IPO5: variants seen among roughly 807,000 people sequenced by gnomAD.
The protein encoded by IPO5 is importin-5.
IPO5 carries 18 observed loss-of-function variants against 143.3 expected under a neutral mutation model. That is an observed-to-expected ratio of 0.13 (90% CI 0.09 to 0.19). The LOEUF (loss-of-function observed/expected upper bound fraction) is 0.19, where lower values mean the gene tolerates loss of function less well. IPO5 is among the 10% of genes least tolerant of loss of function. The probability of loss-of-function intolerance (pLI) is 1.00; values close to 1 mark genes in which losing one functional copy is unlikely to be tolerated. For missense variants in IPO5, 1,013 were observed against 1,336.9 expected (o/e 0.76, Z 3.78); for synonymous variants, 477 against 465.7 (o/e 1.02, Z -0.31).
intron 9 of IPO5, 36 bp downstream of exon 9, chr13:97,990,573 C>T (rs1887724628): frequency 8.1e-7 from 1 of 1,229,306 alleles, no homozygotes; most frequent in African/African-American, 1.5e-5. Flanking sequence ...ATAATTATAT[C>T]TTATTTGGTT....
Position 98,020,375 on chromosome 13 carries a change from G to T in IPO5, c.3065+566G>T, listed in dbSNP as rs533703862. Among the ~76,000 whole-genome samples, 9 of 152,130 alleles carry T rather than the reference G, an allele frequency of 5.9e-5. No individual in the cohort carries two copies. In the East Asian group the frequency reaches 1.4e-3, roughly 23 times the overall value. On this transcript the variant is annotated intron_variant, in intron 27 of 28. Coordinates refer to ENST00000651721, the MANE Select transcript of IPO5 (RefSeq NM_002271.6). ...GCCAACAGGTATATTCTCCATACTT[G>T]TTTAAGTTCAGGTTCACATAAGAAA...
intron 5 of IPO5, 135 bp downstream of exon 5, chr13:97,982,718 T>C: frequency 1.6e-6 from 1 of 641,228 alleles, no homozygotes; most frequent in Non-Finnish European, 2.7e-6. Flanking sequence ...TATTATTTGC[T>C]AAAAGCTACT....
intron 3 of IPO5, among the ~76,000 whole-genome samples, chr13:97,970,513 TGG>T (rs1374797553): frequency 6.6e-6 from 1 of 151,732 alleles, no homozygotes; most frequent in African/African-American, 2.4e-5. Flanking sequence ...CCCAGCTACT[TGG>T]GGGGCTGAGG....
At chr13:97,982,458 A>G (rs1274337511) in intron 4 of IPO5, 45 bp from the exon 5 acceptor site, 3 of 1,278,132 alleles carry the variant, frequency 2.3e-6, no homozygotes, top group African/African-American at 1.5e-5. Context: ...TTACTCATGA[A>G]GTTTCCTAAC....
chr13:98,010,251 T>G lies in IPO5; in HGVS notation c.2055+27T>G, dbSNP rs759694795. 3.7e-6 allele frequency: 6 copies of G among 1,602,366 alleles called. No homozygotes were observed. In the African/African-American group the frequency reaches 8.1e-5, roughly 22 times the overall value. ...TAAGAGAGCACTGTTTTTACTAAAC[T>G]TTTATTTTACATCTTATATACATTT... On this transcript the variant is annotated intron_variant, in intron 20 of 28. Transcript: ENST00000651721.
intron 6 of IPO5, among the ~76,000 whole-genome samples, chr13:97,986,358 A>ATTTTT (rs1305786299): frequency 6.7e-6 from 1 of 148,414 alleles, no homozygotes; most frequent in African/African-American, 2.5e-5. Flanking sequence ...ATGTATATAT[A>ATTTTT]TATTTTTTTT....
At chr13:97,967,725 G>A (rs937435736) in intron 2 of IPO5, among the ~76,000 whole-genome samples, 6 of 151,906 alleles carry the variant, frequency 3.9e-5, no homozygotes, top group Admixed American at 3.3e-4. Flanking sequence ...TCCGCCTCCC[G>A]GGTTCATGCC....
At chr13:97,995,501 A>G (rs1257551462) in intron 11 of IPO5, among the ~76,000 whole-genome samples, 1 of 151,792 alleles carries the variant, frequency 6.6e-6, no homozygotes, top group Non-Finnish European at 1.5e-5. Context: ...CACACCTGCA[A>G]TCTCAGCACT....
chr13:97,983,290 A>G (rs1271266107), intron 5 of IPO5, among the ~76,000 whole-genome samples: 1 of 152,128 alleles, frequency 6.6e-6, no homozygotes, highest in Non-Finnish European at 1.5e-5. Flanking sequence ...TTTTTTTCCC[A>G]TCTTTAAAAA....
chr13:98,016,222 T>C (rs1890114104), intron 24 of IPO5, among the ~76,000 whole-genome samples: 1 of 152,170 alleles, frequency 6.6e-6, no homozygotes, highest in Non-Finnish European at 1.5e-5. Context: ...CATTGTGTGT[T>C]TAGAGTCCAG....
In IPO5 at chr13:98,020,996, C is replaced by G; in HGVS notation, c.3070C>G (p.His1024Asp). The G allele has an allele frequency of 6.2e-7, 1 of 1,606,548 alleles. No individual in the cohort carries two copies. The highest frequency in any genetic ancestry group is 8.5e-7 in the Non-Finnish European group (1 of 1,176,016). The stretch of plus-strand genomic sequence containing the variant: ...GGTTTTCTTCTCATTTGTCAGTAAT[C>G]ATCCAATTGTTCTTGGCCCAAACAA... The part of the protein sequence containing the change: ...NYLCDLIESN[H>D]PIVLGPNNTN... Residue 1024 changes from histidine to aspartate, a missense_variant, in exon 28 of 29, where the codon CAT (histidine) becomes GAT (aspartate). Physicochemically the swap from His to Asp is moderately conservative, Grantham distance 81 (BLOSUM62 -1). Around this residue, in one of 2 missense-constraint regions of IPO5, gnomAD observed 685 missense variants for 994.9 expected, o/e 0.69. Transcript: ENST00000651721.
intron 9 of IPO5, 77 bp downstream of exon 9, chr13:97,990,614 A>G (rs1887728270): frequency 2.6e-6 from 2 of 781,432 alleles, no homozygotes; most frequent in Non-Finnish European, 4.1e-6. Flanking sequence ...TATGCAATAA[A>G]TTCATATTGC....
chr13:97,991,762 A>G (rs1238251773), intron 9 of IPO5, among the ~76,000 whole-genome samples: 2 of 152,236 alleles, frequency 1.3e-5, no homozygotes, highest in African/African-American at 4.8e-5. Flanking sequence ...TGTTAAAACC[A>G]GGCAAAAAAT....
chr13:97,967,883 G>A (rs541549513), intron 2 of IPO5, among the ~76,000 whole-genome samples: 211 of 152,102 alleles, frequency 1.4e-3, no homozygotes, highest in Middle Eastern at 3.4e-3. Flanking sequence ...CGCCCACCTC[G>A]GCCTCCCAAT....
At chr13:97,974,193 G>A (rs921047985) in intron 3 of IPO5, among the ~76,000 whole-genome samples, 3 of 152,006 alleles carry the variant, frequency 2.0e-5, no homozygotes, top group Admixed American at 6.6e-5. Context: ...AACACATATC[G>A]CAACAGGTGT....
intron 4 of IPO5, chr13:97,981,968 A>G (rs1231909057): frequency 6.5e-6 from 1 of 153,010 alleles, no homozygotes; most frequent in Non-Finnish European, 1.5e-5. Flanking sequence ...TCATTTATCT[A>G]TGTAGTAAGG....
chr13:97,977,973 A>G (rs1039811211), intron 4 of IPO5, among the ~76,000 whole-genome samples: 1 of 152,308 alleles, frequency 6.6e-6, no homozygotes, highest in East Asian at 1.9e-4. Flanking sequence ...GTGTCTTTGA[A>G]ACGACGGTGG....
intron 20 of IPO5, among the ~76,000 whole-genome samples, chr13:98,011,349 G>A (rs1158780769): frequency 6.6e-6 from 1 of 152,082 alleles, no homozygotes; most frequent in African/African-American, 2.4e-5. Flanking sequence ...GGAGTACAGT[G>A]GCTTGATCTC....
chr13:97,964,385 T>C (rs79570787), intron 2 of IPO5, among the ~76,000 whole-genome samples: 1 of 151,822 alleles, frequency 6.6e-6, no homozygotes, highest in Non-Finnish European at 1.5e-5. Flanking sequence ...GTGTAAGGAA[T>C]GGGTCCAGTT....
Sources: allele counts gnomAD v4.1 joint callset (sites outside exome capture counted in the v4.1 genomes callset), GRCh38; gene constraint gnomAD v4.1.1; regional missense constraint gnomAD v4.1.1; transcripts MANE v1.5; gene names NCBI Gene and HGNC (gene_info 2026-07-23, HGNC 2026-07-21).